Variants in XIAP observed in about 807,000 individuals in gnomAD.
The protein encoded by XIAP is E3 ubiquitin-protein ligase XIAP.
Under a neutral mutation model 33.1 loss-of-function variants are expected in XIAP, and 3 were observed. The observed-to-expected ratio is 0.09, with a 90% CI of 0.04 to 0.23. XIAP has a LOEUF of 0.23. Among genes scored for constraint, XIAP ranks in the 10% least tolerant of loss-of-function variants. The probability of loss-of-function intolerance (pLI) is 1.00; values close to 1 mark genes in which losing one functional copy is unlikely to be tolerated. For missense variants in XIAP, 264 were observed against 363.0 expected, an observed-to-expected ratio of 0.73 and a Z score of 2.22; for synonymous variants, 98 against 121.3, an observed-to-expected ratio of 0.81 and a Z score of 1.26.
intron 1 of XIAP, among the ~76,000 whole-genome samples, chrX:123,875,695 T>C (rs2053237874): frequency 9.0e-6 from 1 of 111,490 alleles, no homozygotes; most frequent in South Asian, 3.8e-4. Flanking sequence ...ATAGATTTTT[T>C]TTTTTTTTGA....
intron 1 of XIAP, among the ~76,000 whole-genome samples, chrX:123,881,388 TA>T (rs747348957): frequency 5.7e-4 from 64 of 111,445 alleles, no homozygotes; most frequent in Non-Finnish European, 1.0e-3. Flanking sequence ...TACCCTATCT[TA>T]CCCTTTTTGT....
intron 1 of XIAP, among the ~76,000 whole-genome samples, chrX:123,862,788 G>A (rs781001046): frequency 1.8e-5 from 2 of 108,987 alleles, no homozygotes; most frequent in South Asian, 8.2e-4. Flanking sequence ...CCAGGAGGCA[G>A]AGGCTGCAGT....
intron 1 of XIAP, among the ~76,000 whole-genome samples, chrX:123,862,365 G>T (rs2053088721): frequency 1.9e-5 from 2 of 105,750 alleles, no homozygotes; most frequent in African/African-American, 6.9e-5. Flanking sequence ...CACCTCGCCT[G>T]GCCAGTCCAT....
rs775048944 is a variant in XIAP, at chrX:123,875,068, G to A, written c.-32-10563G>A. ...ATGGAGTTTCCCTCTTGTTTCCCAG[G>A]CTGGAGTACGATGGCACAATCTCAG... On this transcript the variant is annotated intron_variant, in intron 1 of 6. Coordinates refer to ENST00000371199, the MANE Select transcript of XIAP (RefSeq NM_001167.4). Among the ~76,000 whole-genome samples the A allele has an allele frequency of 3.7e-4, 37 of 101,227 alleles. No homozygotes were observed. In the East Asian group the frequency reaches 0.011, roughly 31 times the overall value. The allele number at this position is 101,227 out of a possible 115,157, so 87.9% of individuals were successfully genotyped here.
chrX:123,882,497 T>C (rs2053312887), intron 1 of XIAP, among the ~76,000 whole-genome samples: 1 of 111,955 alleles, frequency 8.9e-6, no homozygotes, highest in Non-Finnish European at 1.9e-5. Flanking sequence ...GGTATCATTT[T>C]TATCATCCCG....
intron 1 of XIAP, among the ~76,000 whole-genome samples, chrX:123,863,663 C>T (rs2053101919): frequency 9.1e-6 from 1 of 110,371 alleles, no homozygotes; most frequent in Non-Finnish European, 1.9e-5. Flanking sequence ...CATGCGCCAC[C>T]ACGCCCGGCT....
Position 123,905,437 on chromosome X carries a change from C to T in XIAP, c.1301-1551C>T, listed in dbSNP as rs141522862. Among the ~76,000 whole-genome samples the T allele has an allele frequency of 5.5e-3, 612 of 111,776 alleles. 3 individuals carry two copies. The highest frequency in any genetic ancestry group is 0.019 in the African/African-American group (583 of 30,787). ...TCCTTCTCCTAGTAAACTCCTAATT[C>T]ATTCTTTTGTACCCAGTTTTAGGTA... On this transcript the variant is annotated intron_variant, in intron 6 of 6. Transcript: ENST00000371199.
chrX:123,899,209 A>G (rs1404744317), intron 5 of XIAP, among the ~76,000 whole-genome samples: 5 of 69,420 alleles, frequency 7.2e-5, no homozygotes, highest in Non-Finnish European at 1.3e-4. Flanking sequence ...GATTGTGTAT[A>G]TATATATGAT....
chrX:123,867,848 C>G (rs2053157994), intron 1 of XIAP, among the ~76,000 whole-genome samples: 1 of 109,074 alleles, frequency 9.2e-6, no homozygotes, highest in Non-Finnish European at 1.9e-5. Flanking sequence ...GTTAATTTTT[C>G]TATTTTTAGT....
rs1319323088 is a variant in XIAP at position 123,886,328 on chromosome X, A to G, written c.666A>G (p.Arg222=). Reference sequence around the variant, plus strand: ...ATCGTGCCTGGTCAGAACACAGGCGACACTTTCCTAATTGCTTCTTTGTTT... The same window carrying G: ...ATCGTGCCTGGTCAGAACACAGGCGGCACTTTCCTAATTGCTTCTTTGTTT... ...PCDRAWSEHR[R]HFPNCFFVLG... Residue 222 remains arginine (R), a synonymous_variant, in exon 2 of 7, where the codon CGA becomes CGG. Coordinates refer to ENST00000371199, the MANE Select transcript of XIAP (RefSeq NM_001167.4). The G allele has an allele frequency of 8.3e-7, 1 of 1,210,468 alleles. No individual in the cohort carries two copies. The highest frequency in any genetic ancestry group is 3.0e-5 in the East Asian group (1 of 33,807).
At chrX:123,867,361 C>T (rs1470822571) in intron 1 of XIAP, among the ~76,000 whole-genome samples, 1 of 86,129 alleles carries the variant, frequency 1.2e-5, no homozygotes, top group Non-Finnish European at 2.3e-5. Context: ...GCCCAGCAGT[C>T]TTTTTTTTTT....
At chrX:123,870,610 A>G (rs989541936) in intron 1 of XIAP, among the ~76,000 whole-genome samples, 1 of 111,152 alleles carries the variant, frequency 9.0e-6, no homozygotes, top group Non-Finnish European at 1.9e-5. Flanking sequence ...ATATAGTGAG[A>G]CCTTGTCTCT....
intron 1 of XIAP, among the ~76,000 whole-genome samples, chrX:123,871,091 T>C (rs1041729456): frequency 1.8e-5 from 2 of 110,747 alleles, no homozygotes; most frequent in African/African-American, 6.6e-5. Context: ...TACAGGCATA[T>C]GCCACCATGC....
At chrX:123,890,454 T>C (rs1196978592) in intron 3 of XIAP, among the ~76,000 whole-genome samples, 1 of 97,605 alleles carries the variant, frequency 1.0e-5, no homozygotes, top group Non-Finnish European at 2.1e-5. Flanking sequence ...TAAGACCCTG[T>C]CTCTACAAAA....
At chrX:123,904,359 G>A (rs1220201817) in intron 6 of XIAP, among the ~76,000 whole-genome samples, 2 of 111,893 alleles carry the variant, frequency 1.8e-5, no homozygotes, top group Non-Finnish European at 3.8e-5. Flanking sequence ...TGGTGTTGAT[G>A]CTTTCTTATA....
chrX:123,886,169 C>T lies in XIAP; in HGVS notation c.507C>T (p.Ser169=). The T allele has an allele frequency of 1.7e-6, 2 of 1,211,845 alleles. No individual in the cohort carries two copies. ...AMYSEEARLK[S]FQNWPDYAHL... ...ATAGTGAAGAAGCTAGATTAAAGTC[C>T]TTTCAGAACTGGCCAGACTATGCTC... The change falls in exon 2 of 7, where the codon TCC becomes TCT. Residue 169 remains serine, a synonymous_variant. Coordinates refer to ENST00000371199, the MANE Select transcript of XIAP (RefSeq NM_001167.4).
In XIAP at chrX:123,906,989, G is replaced by A; in HGVS notation, c.1302G>A (p.Glu434=). The change falls in exon 7 of 7, where the codon GAG becomes GAA. Residue 434 remains glutamate, a splice_region_variant and synonymous_variant. Coordinates refer to ENST00000371199, the MANE Select transcript of XIAP (RefSeq NM_001167.4). The part of the protein sequence containing the change: ...DESSQTSLQK[E]ISTEEQLRRL... ...CATAATTATTTTCTCTTTTTGCAGA[G>A]ATTAGTACTGAAGAGCAGCTAAGGC... 2 of 1,210,696 alleles carry A rather than the reference G, an allele frequency of 1.7e-6. No individual in the cohort carries two copies. The highest frequency in any genetic ancestry group is 3.0e-5 in the East Asian group (1 of 33,858).
chrX:123,868,185 G>A (rs1391928417), intron 1 of XIAP, among the ~76,000 whole-genome samples: 1 of 109,929 alleles, frequency 9.1e-6, no homozygotes, highest in Non-Finnish European at 1.9e-5. Flanking sequence ...AGCTGGATGT[G>A]ATGGCACGCG....
chrX:123,867,093 G>A (rs1357888126), intron 1 of XIAP, among the ~76,000 whole-genome samples: 6 of 55,621 alleles, frequency 1.1e-4, no homozygotes, highest in Non-Finnish European at 1.3e-4. Flanking sequence ...TTTTTGAGAC[G>A]GAGTCTCGCT....
Sources: allele counts gnomAD v4.1 joint callset (sites outside exome capture counted in the v4.1 genomes callset), GRCh38; gene constraint gnomAD v4.1.1; transcripts MANE v1.5; gene names NCBI Gene and HGNC (gene_info 2026-07-23, HGNC 2026-07-21).